MEF2B: variants seen among roughly 807,000 people sequenced by gnomAD.
MEF2B encodes myocyte enhancer factor 2B.
MEF2B carries 15 observed loss-of-function variants against 32.2 expected under a neutral mutation model. That is an observed-to-expected ratio of 0.47 (90% CI 0.31 to 0.72). The LOEUF (loss-of-function observed/expected upper bound fraction) is 0.72, where lower values mean the gene tolerates loss of function less well. Among genes scored for constraint, MEF2B ranks in the 30% least tolerant of loss-of-function variants. The probability of loss-of-function intolerance (pLI) is 0.05; values close to 1 mark genes in which losing one functional copy is unlikely to be tolerated. For synonymous variants in MEF2B, 205 were observed against 225.6 expected, an observed-to-expected ratio of 0.91 and a Z score of 0.82; for missense variants, 441 against 511.5, an observed-to-expected ratio of 0.86 and a Z score of 1.33.
In MEF2B at chr19:19,170,240, G is replaced by T; in HGVS notation, c.-65C>A. 2.5e-6 allele frequency: 1 copy of T among 398,520 alleles called. No homozygotes were observed. The highest frequency in any genetic ancestry group is 1.3e-4 in the South Asian group (1 of 7,838). The allele number at this position is 398,520 out of a possible 1,614,324, so 24.7% of individuals were successfully genotyped here. On this transcript the variant is annotated 5_prime_UTR_variant, in exon 1 of 9. Coordinates refer to ENST00000424583, the MANE Select transcript of MEF2B (RefSeq NM_001145785.2). ...TGGGCCCTGGGACGCTGGGCGCACG[G>T]ACCCGCGGCGGCTGCACGAAGATCA...
intron 1 of MEF2B, chr19:19,157,143 C>T: frequency 4.9e-6 from 1 of 202,668 alleles, no homozygotes; most frequent in South Asian, 6.8e-5. Flanking sequence ...TCATGCATTG[C>T]TGGTGGCAGA....
chr19:19,154,165 A>T (rs1348710688), intron 1 of MEF2B, among the ~76,000 whole-genome samples: 2 of 151,566 alleles, frequency 1.3e-5, no homozygotes, highest in African/African-American at 2.4e-5. Context: ...TTTTATTTTT[A>T]ATATATATAT....
chr19:19,168,590 C>G (rs2060228462), intron 1 of MEF2B, among the ~76,000 whole-genome samples: 1 of 149,388 alleles, frequency 6.7e-6, no homozygotes, highest in African/African-American at 2.5e-5. Context: ...TGTTTCTTTT[C>G]TTTCTTTTTG....
At chr19:19,152,395 A>G (rs2060090843) in intron 1 of MEF2B, among the ~76,000 whole-genome samples, 1 of 150,684 alleles carries the variant, frequency 6.6e-6, no homozygotes, top group African/African-American at 2.4e-5. Context: ...AAAAAAAAGA[A>G]AAAGAAAAAG....
chr19:19,149,530 T>C, intron 2 of MEF2B, 101 bp from the exon 3 acceptor site: 1 of 1,466,620 alleles, frequency 6.8e-7, no homozygotes, highest in Non-Finnish European at 9.3e-7. Context: ...CGAACATGCC[T>C]CAGGATTCTT....
intron 1 of MEF2B, chr19:19,157,249 A>C (rs2060126588): frequency 6.4e-6 from 1 of 157,386 alleles, no homozygotes; most frequent in Non-Finnish European, 1.5e-5. Flanking sequence ...CTCGATGTTC[A>C]ATATTCACGC....
At chr19:19,157,552 A>G (rs1458598459) in intron 1 of MEF2B, among the ~76,000 whole-genome samples, 1 of 152,222 alleles carries the variant, frequency 6.6e-6, no homozygotes, top group Non-Finnish European at 1.5e-5. Flanking sequence ...AGAACAATCA[A>G]AACTCACTGA....
chr19:19,153,871 C>T (rs2060101880), intron 1 of MEF2B, among the ~76,000 whole-genome samples: 1 of 152,154 alleles, frequency 6.6e-6, no homozygotes, highest in Non-Finnish European at 1.5e-5. Flanking sequence ...CCACCTCAGC[C>T]TCCTGAATAG....
At chr19:19,163,290 G>A (rs1479040529) in intron 1 of MEF2B, among the ~76,000 whole-genome samples, 1 of 152,032 alleles carries the variant, frequency 6.6e-6, no homozygotes, top group Non-Finnish European at 1.5e-5. Context: ...GGAGTAGCTG[G>A]GAGTAGCACG....
intron 1 of MEF2B, among the ~76,000 whole-genome samples, chr19:19,168,837 C>A (rs1187987820): frequency 6.6e-6 from 1 of 151,182 alleles, no homozygotes; most frequent in Non-Finnish European, 1.5e-5. Flanking sequence ...CTGAGGCAGG[C>A]AGATCACATG....
chr19:19,147,238 G>A, intron 4 of MEF2B, 55 bp from the exon 5 acceptor site: 1 of 693,694 alleles, frequency 1.4e-6, no homozygotes, highest in Non-Finnish European at 1.9e-6. Flanking sequence ...GGGGTGCCAA[G>A]TCCAAGGGAG....
intron 1 of MEF2B, among the ~76,000 whole-genome samples, chr19:19,169,556 C>G (rs959742896): frequency 6.6e-6 from 1 of 152,060 alleles, no homozygotes; most frequent in Non-Finnish European, 1.5e-5. Context: ...GCCAAGGACA[C>G]AGGTCACCCA....
At chr19:19,151,194 A>G (rs2060077376) in intron 1 of MEF2B, among the ~76,000 whole-genome samples, 2 of 152,306 alleles carry the variant, frequency 1.3e-5, no homozygotes, top group Admixed American at 1.3e-4. Flanking sequence ...TTGAGGCTGC[A>G]GTGAACTATG....
rs1047159629 is a variant in MEF2B at position 19,170,247 on chromosome 19, G to C, written c.-72C>G. ...TGGGACGCTGGGCGCACGGACCCGC[G>C]GCGGCTGCACGAAGATCAGGGGCCC... On this transcript the variant is annotated 5_prime_UTR_variant, in exon 1 of 9. Transcript: ENST00000424583. 3.8e-5 allele frequency: 15 copies of C among 398,434 alleles called. No individual in the cohort carries two copies. Among genetic ancestry groups the C allele is most frequent in the Admixed American group, 8.8e-5 (2 of 22,716 alleles). The allele number at this position is 398,434 out of a possible 1,614,324, so 24.7% of individuals were successfully genotyped here.
intron 3 of MEF2B, 147 bp downstream of exon 3, chr19:19,149,079 G>T: frequency 1.0e-6 from 1 of 1,002,224 alleles, no homozygotes; most frequent in Non-Finnish European, 1.4e-6. Flanking sequence ...TGAGTGGAGG[G>T]TCCCTTCTAG....
intron 1 of MEF2B, among the ~76,000 whole-genome samples, chr19:19,154,324 C>T (rs940918990): frequency 6.6e-6 from 1 of 151,926 alleles, no homozygotes; most frequent in Non-Finnish European, 1.5e-5. Flanking sequence ...CCACCATGCC[C>T]AGCTAATTTT....
At chr19:19,150,189 AAG>A (rs1568547603) in intron 2 of MEF2B, among the ~76,000 whole-genome samples, 2 of 135,248 alleles carry the variant, frequency 1.5e-5, no homozygotes, top group Non-Finnish European at 3.1e-5. Context: ...GGAGGGAAGG[AAG>A]GAAGGAAGGA....
At chr19:19,160,409 T>C (rs1347412222) in intron 1 of MEF2B, among the ~76,000 whole-genome samples, 2 of 151,964 alleles carry the variant, frequency 1.3e-5, no homozygotes, top group Non-Finnish European at 2.9e-5. Flanking sequence ...TCCTCCCCCA[T>C]AAAATGGGTC....
At chr19:19,169,724 T>C (rs1221862895) in intron 1 of MEF2B, among the ~76,000 whole-genome samples, 2 of 152,286 alleles carry the variant, frequency 1.3e-5, no homozygotes, top group East Asian at 3.9e-4. Flanking sequence ...CCCCGGCAGC[T>C]GTTGCTCCCC....
Sources: allele counts gnomAD v4.1 joint callset (sites outside exome capture counted in the v4.1 genomes callset), GRCh38; gene constraint gnomAD v4.1.1; transcripts MANE v1.5; gene names NCBI Gene and HGNC (gene_info 2026-07-23, HGNC 2026-07-21).